Variants in MGAM observed in about 807,000 individuals in gnomAD.
MGAM encodes alpha-1,4-glucosidase.
MGAM carries 253 observed loss-of-function variants against 358.8 expected under a neutral mutation model. That is an observed-to-expected ratio of 0.71 (90% CI 0.64 to 0.78). The LOEUF (loss-of-function observed/expected upper bound fraction) is 0.78, where lower values mean the gene tolerates loss of function less well. MGAM is among the 30% of genes least tolerant of loss of function. The pLI is 0.00. For missense variants in MGAM, 3,080 were observed against 3,432.6 expected, an observed-to-expected ratio of 0.90 and a Z score of 2.57; for synonymous variants, 1,105 against 1,227.1, an observed-to-expected ratio of 0.90 and a Z score of 2.08.
chr7:142,032,231 C>T (rs970958616), intron 13 of MGAM, among the ~76,000 whole-genome samples: 15 of 151,984 alleles, frequency 9.9e-5, no homozygotes, highest in African/African-American at 3.6e-4. Context: ...AAAAATGTCT[C>T]ATATGATGTC....
chr7:142,085,605 T>C (rs1814674662), intron 54 of MGAM, among the ~76,000 whole-genome samples: 1 of 146,220 alleles, frequency 6.8e-6, no homozygotes, highest in Admixed American at 6.9e-5. Context: ...TAGAGAGGCA[T>C]TCTCATCCTA....
chr7:142,063,933 A>G (rs1812473253), intron 36 of MGAM, among the ~76,000 whole-genome samples: 1 of 152,164 alleles, frequency 6.6e-6, no homozygotes, highest in African/African-American at 2.4e-5. Flanking sequence ...TCCCCTTATC[A>G]TGGAGCTGAT....
At chr7:142,058,054 T>C (rs1368719856) in intron 30 of MGAM, 149 bp from the exon 31 acceptor site, 11 of 1,254,388 alleles carry the variant, frequency 8.8e-6, no homozygotes, top group African/African-American at 1.5e-5. Flanking sequence ...CTAAGTATCC[T>C]AGTGGCTCTA....
intron 3 of MGAM, 45 bp from the exon 4 acceptor site, chr7:142,019,154 G>T: frequency 6.3e-7 from 1 of 1,597,102 alleles, no homozygotes; most frequent in Non-Finnish European, 8.5e-7. Context: ...AAATGATCAT[G>T]TTCTACAACT....
chr7:142,044,076 C>T (rs115792341), intron 21 of MGAM, among the ~76,000 whole-genome samples: 1,829 of 123,556 alleles, frequency 0.015, 80 homozygotes, highest in African/African-American at 0.033. Flanking sequence ...ACGTATAATA[C>T]ATTATATACA....
chr7:142,100,701 C>A, intron 67 of MGAM, 101 bp from the exon 68 acceptor site: 1 of 998,092 alleles, frequency 1.0e-6, no homozygotes. Context: ...GTCTTTATCC[C>A]CCAAAGCACT....
rs1311448821 is a variant in MGAM, at chr7:142,075,853, C to T, written c.5276-350C>T. 2.7e-5 allele frequency among the ~76,000 whole-genome samples: 4 copies of T among 145,720 alleles called. 1 individual carries two copies. The highest frequency in any genetic ancestry group is 4.7e-5 in the Non-Finnish European group (3 of 64,348). ...TTGGTGGGACTGTAAATTGTTACAACCATTATGGAAAATAGAATGGAGGTT... is the reference window on the plus strand; with the variant it reads ...TTGGTGGGACTGTAAATTGTTACAATCATTATGGAAAATAGAATGGAGGTT... On this transcript the variant is annotated intron_variant, in intron 45 of 70. Transcript: ENST00000475668.
At position 142,020,986 on chromosome 7, in the gene MGAM, G is replaced by A. The variant is rs200453166; in HGVS notation, c.461G>A (p.Arg154Gln). The A allele has an allele frequency of 6.2e-5, 100 of 1,612,184 alleles. No homozygotes were observed. Among genetic ancestry groups the A allele is most frequent in the Non-Finnish European group, 8.0e-5 (94 of 1,178,784 alleles). ...TCTCCTATGTTAGGATTCACAGCCC[G>A]GTTGAAAAATCTGCCTTCTTCACCA... is the stretch of plus-strand genomic sequence containing the variant. ...LVNTNAGFTA[R>Q]LKNLPSSPVF... Residue 154 changes from arginine (R) to glutamine (Q), a missense_variant, in exon 5 of 71, where the codon CGG (arginine) becomes CAG (glutamine). Transcript: ENST00000475668.
intron 1 of MGAM, among the ~76,000 whole-genome samples, chr7:142,002,231 C>T (rs1443187210): frequency 6.6e-6 from 1 of 152,046 alleles, no homozygotes; most frequent in African/African-American, 2.4e-5. Context: ...AATATAGAAG[C>T]CAACATCACC....
At chr7:142,088,930 A>G (rs1283595642) in intron 57 of MGAM, among the ~76,000 whole-genome samples, 4 of 142,912 alleles carry the variant, frequency 2.8e-5, no homozygotes, top group Non-Finnish European at 4.7e-5. Flanking sequence ...TCTTCTGTCT[A>G]TCATTTATCT....
At position 142,047,513 on chromosome 7, in the gene MGAM, G is replaced by A. The variant is rs530068529; in HGVS notation, c.2499-272G>A. Among the ~76,000 whole-genome samples, 31 of 152,216 alleles carry A rather than the reference G, an allele frequency of 2.0e-4. No homozygotes were observed. In the East Asian group the frequency reaches 3.3e-3, roughly 16 times the overall value. ...ATTCTAAGTAGTAGTTGCAGAAGCA[G>A]CTTTTATTTGAGTTATTGCAGTGCC... On this transcript the variant is annotated intron_variant, in intron 21 of 70. Transcript: ENST00000475668.
intron 40 of MGAM, 82 bp downstream of exon 40, chr7:142,065,913 C>T: frequency 2.9e-5 from 30 of 1,042,192 alleles, no homozygotes; most frequent in South Asian, 9.6e-5. Context: ...AATGCAGTCT[C>T]TATTTCCTGG....
intron 3 of MGAM, among the ~76,000 whole-genome samples, chr7:142,009,488 C>G (rs1387308739): frequency 6.6e-6 from 1 of 152,178 alleles, no homozygotes; most frequent in Non-Finnish European, 1.5e-5. Flanking sequence ...TGGAAGCTCA[C>G]CTAGATTATC....
intron 49 of MGAM, among the ~76,000 whole-genome samples, chr7:142,079,371 G>A (rs1814029995): frequency 6.9e-6 from 1 of 145,424 alleles, no homozygotes; most frequent in South Asian, 2.2e-4. Flanking sequence ...ACAGGGTCTG[G>A]TGCTTGATTG....
chr7:142,056,942 G>A lies in MGAM; in HGVS notation c.3693G>A (p.Glu1231=), dbSNP rs1348417149. The A allele has an allele frequency of 6.2e-7, 1 of 1,613,330 alleles. No individual in the cohort carries two copies. Among genetic ancestry groups the A allele is most frequent in the Non-Finnish European group, 8.5e-7 (1 of 1,179,588 alleles). Residue 1231 remains glutamate, a splice_region_variant and synonymous_variant, in exon 30 of 71, where the codon GAG becomes GAA. Transcript: ENST00000475668. The stretch of plus-strand genomic sequence containing the variant: ...AGCTTGTCACCCAGCAGTACACTGA[G>A]GTAGGGGGAAATCCAATTGTTTATC... ...TPELVTQQYT[E]LIGRPVMVPY...
intron 21 of MGAM, among the ~76,000 whole-genome samples, chr7:142,044,184 CGACATAT>C (rs1809603093): frequency 8.1e-6 from 1 of 124,022 alleles, no homozygotes; most frequent in East Asian, 2.3e-4. Context: ...TATACACATA[CGACATAT>C]AATATATAAT....
At chr7:141,998,896 T>C (rs566060114) in intron 1 of MGAM, among the ~76,000 whole-genome samples, 85 of 152,190 alleles carry the variant, frequency 5.6e-4, no homozygotes, top group Non-Finnish European at 1.1e-3. Context: ...CATATGTATA[T>C]AGTAATAATT....
At chr7:141,992,205 A>G (rs782587917), upstream of MGAM, among the ~76,000 whole-genome samples, 4 of 152,094 alleles carry the variant, frequency 2.6e-5, no homozygotes, top group Admixed American at 6.5e-5. Context: ...TACTCACATT[A>G]TTTTGTCTAG....
At chr7:142,040,311 C>A in intron 20 of MGAM, 140 bp downstream of exon 20, 1 of 699,942 alleles carries the variant, frequency 1.4e-6, no homozygotes, top group South Asian at 1.9e-5. Flanking sequence ...ATAGCAGAAC[C>A]TGGGTAAAGT....
Sources: allele counts gnomAD v4.1 joint callset (sites outside exome capture counted in the v4.1 genomes callset), GRCh38; gene constraint gnomAD v4.1.1; transcripts MANE v1.5; gene names NCBI Gene and HGNC (gene_info 2026-07-23, HGNC 2026-07-21).